The following CCSER1 variants were observed in gnomAD, a reference collection of about 807,000 sequenced individuals.
CCSER1 encodes serine-rich coiled-coil domain-containing protein 1.
In CCSER1, 41 loss-of-function variants were observed where a neutral mutation model predicts 82.0. The observed-to-expected ratio is 0.50, with a 90% CI of 0.39 to 0.65. The LOEUF (loss-of-function observed/expected upper bound fraction) is 0.65, where lower values mean the gene tolerates loss of function less well. Ranked by LOEUF, CCSER1 falls within the 30% of genes least tolerant of loss-of-function variation. CCSER1 has a pLI of 0.00. For missense variants in CCSER1, 1,119 were observed against 1,064.2 expected, an observed-to-expected ratio of 1.05 and a Z score of -0.72; for synonymous variants, 414 against 383.9, an observed-to-expected ratio of 1.08 and a Z score of -0.92.
chr4:91,443,505 TG>T (rs2149409224), intron 10 of CCSER1, among the ~76,000 whole-genome samples: 1 of 78,428 alleles, frequency 1.3e-5, no homozygotes, highest in Non-Finnish European at 2.3e-5. Flanking sequence ...GGGACTGTTG[TG>T]GGGTGGGGGG....
chr4:90,481,582 G>T (rs537385284), intron 5 of CCSER1, among the ~76,000 whole-genome samples: 6 of 152,288 alleles, frequency 3.9e-5, no homozygotes, highest in African/African-American at 1.4e-4. Context: ...AGCACGAAGT[G>T]TTGTTGAATT....
chr4:91,040,253 G>T (rs1285966156), intron 9 of CCSER1, among the ~76,000 whole-genome samples: 2 of 152,044 alleles, frequency 1.3e-5, no homozygotes, highest in African/African-American at 4.8e-5. Context: ...CTATGTTCTA[G>T]ATATTTTGGT....
intron 10 of CCSER1, among the ~76,000 whole-genome samples, chr4:91,202,945 TTA>T (rs1396646483): frequency 6.6e-6 from 1 of 151,588 alleles, no homozygotes. Context: ...TTTAAAGATT[TTA>T]TGTTGTTGTT....
intron 8 of CCSER1, chr4:90,838,974 C>T (rs966151032): frequency 2.5e-6 from 4 of 1,613,110 alleles, no homozygotes; most frequent in Admixed American, 1.7e-5. Context: ...TCTTGCGTCT[C>T]TGTCTTCTTC....
At chr4:90,931,820 A>C (rs1729860593) in intron 9 of CCSER1, among the ~76,000 whole-genome samples, 1 of 152,184 alleles carries the variant, frequency 6.6e-6, no homozygotes, top group Non-Finnish European at 1.5e-5. Flanking sequence ...CTACTTGATT[A>C]ATGCTTTGGG....
At chr4:91,083,832 C>T (rs1282729272) in intron 9 of CCSER1, among the ~76,000 whole-genome samples, 1 of 151,892 alleles carries the variant, frequency 6.6e-6, no homozygotes, top group Non-Finnish European at 1.5e-5. Flanking sequence ...GGAGGTTTTA[C>T]AAAAGTAAAC....
chr4:90,416,645 G>A (rs536414586), intron 4 of CCSER1, among the ~76,000 whole-genome samples: 2 of 152,016 alleles, frequency 1.3e-5, no homozygotes, highest in South Asian at 2.1e-4. Flanking sequence ...TGTTAAAGAC[G>A]TTGTCCCATT....
At chr4:90,433,503 A>G (rs1354990677) in intron 4 of CCSER1, among the ~76,000 whole-genome samples, 1 of 152,076 alleles carries the variant, frequency 6.6e-6, no homozygotes, top group Non-Finnish European at 1.5e-5. Context: ...TATTTTCATA[A>G]TGATACCAAG....
At chr4:91,029,702 A>G (rs1016944609) in intron 9 of CCSER1, among the ~76,000 whole-genome samples, 6 of 152,094 alleles carry the variant, frequency 3.9e-5, no homozygotes, top group Non-Finnish European at 7.4e-5. Context: ...TACCTAATTT[A>G]TATTTGCCTC....
At chr4:90,276,253 TCCTTCC>T (rs1727686115) in intron 1 of CCSER1, among the ~76,000 whole-genome samples, 1 of 79,030 alleles carries the variant, frequency 1.3e-5, no homozygotes, top group Non-Finnish European at 2.5e-5. Context: ...TTTCTTTCTT[TCCTTCC>T]TTCCTTCCTT....
At chr4:90,249,115 A>G (rs1466697348) in intron 1 of CCSER1, among the ~76,000 whole-genome samples, 1 of 152,138 alleles carries the variant, frequency 6.6e-6, no homozygotes, top group Non-Finnish European at 1.5e-5. Context: ...CTTCTTTTTA[A>G]TTCCTCAAAT....
At chr4:90,367,187 T>TA (rs150650265) in intron 3 of CCSER1, among the ~76,000 whole-genome samples, 1,709 of 151,552 alleles carry the variant, frequency 0.011, 33 homozygotes, top group African/African-American at 0.04. Flanking sequence ...AACAAACATT[T>TA]AAAAATGCAT....
chr4:91,152,509 C>G (rs1474975809), intron 10 of CCSER1, among the ~76,000 whole-genome samples: 1 of 152,142 alleles, frequency 6.6e-6, no homozygotes, highest in Non-Finnish European at 1.5e-5. Flanking sequence ...GAGCATTCAG[C>G]CCATTTACAT....
chr4:90,590,470 C>A (rs1782554075), intron 5 of CCSER1, among the ~76,000 whole-genome samples: 1 of 151,906 alleles, frequency 6.6e-6, no homozygotes, highest in African/African-American at 2.4e-5. Context: ...ATCTCAGCTA[C>A]TCGGGAGGCT....
chr4:90,155,758 T>C (rs1234089025), intron 1 of CCSER1, among the ~76,000 whole-genome samples: 1 of 152,110 alleles, frequency 6.6e-6, no homozygotes, highest in Admixed American at 6.5e-5. Context: ...TTGATTCTTC[T>C]CTTTTTTCTT....
At chr4:91,527,805 T>G (rs1262686938) in intron 10 of CCSER1, among the ~76,000 whole-genome samples, 4 of 152,158 alleles carry the variant, frequency 2.6e-5, no homozygotes, top group African/African-American at 9.7e-5. Flanking sequence ...ATACTGCAGG[T>G]AATACAAGAG....
In CCSER1 at chr4:91,145,066, A is replaced by G. The variant is rs563858849; in HGVS notation, c.2217+59072A>G. ...AACACTGTTAGTGGGGTGTCAAAAT[A>G]TCCCCTATTATTCTGTGTCTGTCTA... On this transcript the variant is annotated intron_variant, in intron 10 of 10. Transcript: ENST00000509176. Among the ~76,000 whole-genome samples the G allele has an allele frequency of 3.3e-5, 5 of 152,144 alleles. No homozygotes were observed. In the South Asian group the frequency reaches 1.0e-3, roughly 32 times the overall value.
chr4:91,409,799 C>T (rs1449964627), intron 10 of CCSER1, among the ~76,000 whole-genome samples: 3 of 152,166 alleles, frequency 2.0e-5, no homozygotes, highest in Non-Finnish European at 4.4e-5. Flanking sequence ...TCTCCTGCCT[C>T]AGCCTCCTGA....
intron 2 of CCSER1, among the ~76,000 whole-genome samples, chr4:90,311,305 G>A (rs1735240492): frequency 6.6e-6 from 1 of 151,936 alleles, no homozygotes; most frequent in East Asian, 1.9e-4. Flanking sequence ...AAGCCTAATT[G>A]AATACTGCAT....
Sources: gnomAD v4.1 joint callset for allele counts (sites outside exome capture counted in the v4.1 genomes callset) on GRCh38, gnomAD v4.1.1 for gene constraint, MANE v1.5 for transcripts, NCBI Gene and HGNC (gene_info 2026-07-23, HGNC 2026-07-21) for gene names.